Variants in TMEM156 observed in about 807,000 individuals in gnomAD.
TMEM156 encodes transmembrane protein 156.
TMEM156 carries 28 observed loss-of-function variants against 30.5 expected under a neutral mutation model. The observed-to-expected ratio is 0.92, with a 90% CI of 0.68 to 1.26. The LOEUF is 1.26. Ranked by LOEUF, TMEM156 falls within the 50% of genes most tolerant of loss-of-function variation. TMEM156 has a pLI of 0.00. For synonymous variants in TMEM156, 137 were observed against 119.9 expected (o/e 1.14, Z -0.93); for missense variants, 351 against 340.6 (o/e 1.03, Z -0.24).
At chr4:39,007,414 T>TA (rs776098267) in intron 1 of TMEM156, among the ~76,000 whole-genome samples, 59 of 145,084 alleles carry the variant, frequency 4.1e-4, no homozygotes, top group Non-Finnish European at 7.4e-5. Flanking sequence ...TCTTCCTTTC[T>TA]TTTTATTTAT....
At chr4:38,978,520 T>C (rs1275297035) in intron 5 of TMEM156, among the ~76,000 whole-genome samples, 1 of 152,210 alleles carries the variant, frequency 6.6e-6, no homozygotes, top group East Asian at 1.9e-4. Flanking sequence ...GTGCCTCATT[T>C]CGCTCAGCAA....
intron 5 of TMEM156, among the ~76,000 whole-genome samples, chr4:38,982,686 A>G (rs1711674083): frequency 6.6e-6 from 1 of 152,236 alleles, no homozygotes. Flanking sequence ...GATGATAGTT[A>G]AATGAATAAC....
chr4:38,993,657 A>G lies in TMEM156; in HGVS notation c.619+81T>C, dbSNP rs116324726. ...AAAATTCTTCAGCTATTTGGCTTTC[A>G]GTTAATGTGATAGCCCTTACTTAAT... On this transcript the variant is annotated intron_variant, in intron 3 of 6. Transcript: ENST00000381938. 9,412 of 1,234,258 alleles carry G rather than the reference A, an allele frequency of 7.6e-3. 53 individuals carry two copies. Among genetic ancestry groups the G allele is most frequent in the Non-Finnish European group, 0.01 (8,872 of 877,446 alleles). The allele number at this position is 1,234,258 out of a possible 1,614,324, so 76.5% of individuals were successfully genotyped here.
intron 5 of TMEM156, among the ~76,000 whole-genome samples, chr4:38,974,014 G>A (rs1285758949): frequency 2.0e-5 from 3 of 151,640 alleles, no homozygotes; most frequent in African/African-American, 7.3e-5. Context: ...ATGCTAAACT[G>A]TCCTATAATT....
chr4:38,994,006 G>A lies in TMEM156; in HGVS notation c.359-8C>T. On this transcript the variant is annotated splice_region_variant and splice_polypyrimidine_tract_variant and intron_variant, in intron 2 of 6. Transcript: ENST00000381938. Reference sequence around the variant, plus strand: ...ATCCTCTCCTGATAAGAACTAGAAAGTGATTAAGAAAATGTTATTTGCAAA... The same window carrying A: ...ATCCTCTCCTGATAAGAACTAGAAAATGATTAAGAAAATGTTATTTGCAAA... 1 of 1,603,484 alleles carries A rather than the reference G, an allele frequency of 6.2e-7. No individual in the cohort carries two copies. The highest frequency in any genetic ancestry group is 8.5e-7 in the Non-Finnish European group (1 of 1,172,566).
Position 38,971,026 on chromosome 4 carries a change from A to G in TMEM156, c.*38+6T>C. ...AAGAAGTCGATAAAGCCGAATCATC[A>G]CTCACCGTGTATATTGATCTCACTG... On this transcript the variant is annotated splice_donor_region_variant and intron_variant, in intron 6 of 6. Transcript: ENST00000381938. The G allele has an allele frequency of 6.5e-7, 1 of 1,540,894 alleles. No homozygotes were observed. The highest frequency in any genetic ancestry group is 9.0e-7 in the Non-Finnish European group (1 of 1,116,392).
At chr4:39,027,802 G>A (rs906106955) in intron 1 of TMEM156, among the ~76,000 whole-genome samples, 3 of 143,376 alleles carry the variant, frequency 2.1e-5, no homozygotes, top group Non-Finnish European at 4.5e-5. Flanking sequence ...TGTCCACAAG[G>A]CTGGAGTGCA....
At chr4:38,973,169 C>T (rs186024233) in intron 5 of TMEM156, among the ~76,000 whole-genome samples, 1 of 152,118 alleles carries the variant, frequency 6.6e-6, no homozygotes, top group Non-Finnish European at 1.5e-5. Context: ...TAATCCAGTA[C>T]CTTGATGGAA....
chr4:39,016,098 G>C (rs1284936728), intron 1 of TMEM156, among the ~76,000 whole-genome samples: 2 of 152,144 alleles, frequency 1.3e-5, no homozygotes, highest in Non-Finnish European at 2.9e-5. Context: ...CAGCTTGGCT[G>C]GGTGTGGTGG....
intron 6 of TMEM156, 141 bp from the exon 7 acceptor site, chr4:38,967,782 A>G (rs1722413545): frequency 6.6e-6 from 1 of 152,252 alleles, no homozygotes. Flanking sequence ...AATGTTCTCA[A>G]GTCTCTGATT....
intron 5 of TMEM156, among the ~76,000 whole-genome samples, chr4:38,982,865 C>T (rs1046775219): frequency 1.3e-5 from 2 of 152,116 alleles, no homozygotes; most frequent in African/African-American, 2.4e-5. Context: ...ACTCTGATCC[C>T]GGAAACCTGA....
intron 1 of TMEM156, among the ~76,000 whole-genome samples, chr4:39,015,040 A>G (rs1714388792): frequency 1.3e-5 from 2 of 152,184 alleles, no homozygotes; most frequent in African/African-American, 4.8e-5. Flanking sequence ...CTTCCTAAGT[A>G]AGTTTCCTAG....
chr4:38,981,225 G>A lies in TMEM156; in HGVS notation c.823+5111C>T, dbSNP rs116100668. On this transcript the variant is annotated intron_variant, in intron 5 of 6. Coordinates refer to ENST00000381938, the MANE Select transcript of TMEM156 (RefSeq NM_024943.3). ...AAACCTGCTTAGTATTTATTATAGC[G>A]GCCATAAACATGTTCCAAATTATAA... Among the ~76,000 whole-genome samples the A allele has an allele frequency of 6.7e-3, 1,018 of 152,202 alleles. 7 individuals are homozygous for A. Among genetic ancestry groups the A allele is most frequent in the Non-Finnish European group, 0.01 (696 of 68,004 alleles).
intron 1 of TMEM156, among the ~76,000 whole-genome samples, chr4:39,010,170 C>G (rs184506983): frequency 6.6e-6 from 1 of 151,938 alleles, no homozygotes; most frequent in Non-Finnish European, 1.5e-5. Flanking sequence ...AAATAAAACA[C>G]CTAGGAATAC....
At chr4:39,000,166 G>A (rs937472023) in intron 1 of TMEM156, among the ~76,000 whole-genome samples, 1 of 152,160 alleles carries the variant, frequency 6.6e-6, no homozygotes, top group African/African-American at 2.4e-5. Flanking sequence ...GGCAGAGGTG[G>A]GCAGATTGCT....
Position 38,967,239 on chromosome 4 carries a change from C to T in TMEM156, c.*441G>A, listed in dbSNP as rs1722388423. 1 of 152,152 alleles carries T rather than the reference C, an allele frequency of 6.6e-6. No homozygotes were observed. Among genetic ancestry groups the T allele is most frequent in the South Asian group, 2.1e-4 (1 of 4,828 alleles). 9.4% of individuals were successfully genotyped at this position (152,152 alleles called of 1,614,324 possible). ...AAAAATAATCTATCTGCATAGGAAA[C>T]AATTATCAAATCAGCATCTACAATG... On this transcript the variant is annotated 3_prime_UTR_variant, in exon 7 of 7. Transcript: ENST00000381938.
intron 1 of TMEM156, among the ~76,000 whole-genome samples, chr4:39,031,749 T>C (rs1238663174): frequency 2.0e-5 from 3 of 150,910 alleles, no homozygotes; most frequent in African/African-American, 7.3e-5. Flanking sequence ...CCAGGCATGG[T>C]GGTGGGCGCC....
chr4:39,021,572 C>T (rs1714870513), intron 1 of TMEM156, among the ~76,000 whole-genome samples: 1 of 152,092 alleles, frequency 6.6e-6, no homozygotes, highest in Non-Finnish European at 1.5e-5. Flanking sequence ...ATATGGTTTG[C>T]AACTATTTTC....
At chr4:38,975,460 G>A (rs892878096) in intron 5 of TMEM156, among the ~76,000 whole-genome samples, 27 of 143,776 alleles carry the variant, frequency 1.9e-4, no homozygotes, top group Non-Finnish European at 3.1e-4. Flanking sequence ...TCGGCTCACC[G>A]CAACCTCCAC....
Sources: gnomAD v4.1 joint callset for allele counts (sites outside exome capture counted in the v4.1 genomes callset) on GRCh38, gnomAD v4.1.1 for gene constraint, MANE v1.5 for transcripts, NCBI Gene and HGNC (gene_info 2026-07-23, HGNC 2026-07-21) for gene names.